The following OR51B5 variants were observed in gnomAD, a reference collection of about 807,000 sequenced individuals.
The protein encoded by OR51B5 is olfactory receptor 51B5.
For synonymous variants in OR51B5, 186 were observed against 144.8 expected, an observed-to-expected ratio of 1.28 and a Z score of -2.04; for missense variants, 456 against 374.6, an observed-to-expected ratio of 1.22 and a Z score of -1.79.
intron 1 of OR51B5, chr11:5,422,901 C>T (rs372480233): frequency 6.2e-7 from 1 of 1,614,064 alleles, no homozygotes; most frequent in Non-Finnish European, 8.5e-7. Flanking sequence ...GCCACCTGGG[C>T]TGAGCGACTC....
chr11:5,371,083 C>T (rs1849441454), intron 1 of OR51B5, among the ~76,000 whole-genome samples: 1 of 152,136 alleles, frequency 6.6e-6, no homozygotes, highest in Admixed American at 6.6e-5. Flanking sequence ...ATTTTGAACC[C>T]TTCCTTCTGC....
intron 1 of OR51B5, among the ~76,000 whole-genome samples, chr11:5,432,522 T>C (rs1490495558): frequency 2.0e-5 from 3 of 152,210 alleles, no homozygotes; most frequent in Non-Finnish European, 1.5e-5. Context: ...AGAAAATTAA[T>C]GTCACATATT....
chr11:5,483,296 G>A (rs1306302079), intron 1 of OR51B5, among the ~76,000 whole-genome samples: 3 of 134,784 alleles, frequency 2.2e-5, no homozygotes, highest in Non-Finnish European at 4.6e-5. Flanking sequence ...TCATAGGTGG[G>A]AACTGAACAA....
At chr11:5,397,288 T>G (rs1488822735) in intron 1 of OR51B5, among the ~76,000 whole-genome samples, 4 of 151,810 alleles carry the variant, frequency 2.6e-5, no homozygotes, top group African/African-American at 7.3e-5. Context: ...TGGGAGAAAA[T>G]TTTTGCAATC....
chr11:5,399,605 G>A (rs1177828653), intron 1 of OR51B5, among the ~76,000 whole-genome samples: 1 of 151,974 alleles, frequency 6.6e-6, no homozygotes, highest in Non-Finnish European at 1.5e-5. Flanking sequence ...ATTATACTGG[G>A]CTATAGACTA....
At chr11:5,428,507 A>T (rs143687294) in intron 1 of OR51B5, among the ~76,000 whole-genome samples, 1 of 152,348 alleles carries the variant, frequency 6.6e-6, no homozygotes, top group East Asian at 1.9e-4. Context: ...TGCGACATCT[A>T]TGAGGCACAA....
chr11:5,443,342 TC>T (rs1850718903), intron 1 of OR51B5, among the ~76,000 whole-genome samples: 1 of 152,132 alleles, frequency 6.6e-6, no homozygotes, highest in Admixed American at 6.6e-5. Context: ...AAGAGATTCA[TC>T]TATTCCTTTG....
rs554328876 is a variant in OR51B5, at chr11:5,367,662, T to C, written n.85-20752A>G. Reference sequence around the variant, plus strand: ...TATCTTGTGCCAACCTCTTATCTCATCCTGTGACTGAGAATGCCTAACTTT... The same window carrying C: ...TATCTTGTGCCAACCTCTTATCTCACCCTGTGACTGAGAATGCCTAACTTT... On this transcript the variant is annotated intron_variant and non_coding_transcript_variant, in intron 1 of 4. Coordinates refer to the OR51B5 transcript ENST00000415970. Among the ~76,000 whole-genome samples, 3 of 152,232 alleles carry C rather than the reference T, an allele frequency of 2.0e-5. No homozygotes were observed. The East Asian group carries it at 5.8e-4, about 29-fold the overall frequency.
intron 1 of OR51B5, among the ~76,000 whole-genome samples, chr11:5,372,638 G>A (rs999327889): frequency 2.6e-5 from 4 of 152,114 alleles, no homozygotes; most frequent in African/African-American, 2.4e-5. Context: ...AGTTGATTGA[G>A]TTCCTTATAT....
intron 1 of OR51B5, among the ~76,000 whole-genome samples, chr11:5,412,245 T>C (rs185537790): frequency 7.0e-4 from 106 of 152,298 alleles, no homozygotes; most frequent in Admixed American, 6.9e-3. Flanking sequence ...CCTAGATGCC[T>C]GGTCTTTTCA....
intron 1 of OR51B5, among the ~76,000 whole-genome samples, chr11:5,462,099 T>C (rs1018164750): frequency 6.6e-6 from 1 of 152,104 alleles, no homozygotes; most frequent in African/African-American, 2.4e-5. Context: ...TTAAGGTGTG[T>C]GGAAAAAATA....
intron 1 of OR51B5, among the ~76,000 whole-genome samples, chr11:5,382,796 G>A (rs111549494): frequency 0.026 from 3,925 of 152,206 alleles, 163 homozygotes; most frequent in African/African-American, 0.087. Flanking sequence ...GGTGTAAGGT[G>A]GTGCCACTTC....
At chr11:5,436,254 C>G (rs953567693) in intron 1 of OR51B5, among the ~76,000 whole-genome samples, 2 of 152,072 alleles carry the variant, frequency 1.3e-5, no homozygotes, top group Non-Finnish European at 2.9e-5. Flanking sequence ...CACAGGGTGA[C>G]AGTCTGGGGT....
Position 5,375,642 on chromosome 11 carries a change from A to G in OR51B5, n.85-28732T>C, listed in dbSNP as rs936119006. 3.3e-5 allele frequency among the ~76,000 whole-genome samples: 5 copies of G among 152,178 alleles called. No individual in the cohort carries two copies. The East Asian group carries it at 5.8e-4, about 18-fold the overall frequency. The stretch of plus-strand genomic sequence containing the variant: ...TCTACCAAGCAAATGGAAAACAAAA[A>G]AAGGCAGGGGTTGCAATCCTAGTCT... On this transcript the variant is annotated intron_variant and non_coding_transcript_variant, in intron 1 of 4. Transcript: ENST00000415970.
intron 1 of OR51B5, chr11:5,422,163 G>T: frequency 1.4e-6 from 2 of 1,423,948 alleles, no homozygotes; most frequent in South Asian, 1.3e-5. Context: ...TTTTCTCCCT[G>T]AGTGAAGATC....
At chr11:5,453,701 G>A in intron 1 of OR51B5, 1 of 1,613,908 alleles carries the variant, frequency 6.2e-7, no homozygotes, top group Non-Finnish European at 8.5e-7. Context: ...TCAGTGATGT[G>A]GCCATATCCA....
intron 1 of OR51B5, among the ~76,000 whole-genome samples, chr11:5,374,737 T>C (rs1353278987): frequency 6.6e-6 from 1 of 151,954 alleles, no homozygotes; most frequent in East Asian, 1.9e-4. Flanking sequence ...GTATCAGTGA[T>C]GGAAGATGAA....
intron 1 of OR51B5, among the ~76,000 whole-genome samples, chr11:5,372,306 A>G (rs1236671447): frequency 6.6e-6 from 1 of 151,986 alleles, no homozygotes; most frequent in Admixed American, 6.6e-5. Flanking sequence ...TTTCTTCATC[A>G]TACAATAACT....
At chr11:5,352,105 G>C (rs768274501) in intron 1 of OR51B5, 1 of 1,614,120 alleles carries the variant, frequency 6.2e-7, no homozygotes, top group South Asian at 1.1e-5. Flanking sequence ...TCCAGTTGTA[G>C]TTTTATTTGC....
Sources: gnomAD v4.1 joint callset for allele counts (sites outside exome capture counted in the v4.1 genomes callset) on GRCh38, gnomAD v4.1.1 for gene constraint, MANE v1.5 for transcripts, NCBI Gene and HGNC (gene_info 2026-07-23, HGNC 2026-07-21) for gene names.